Variants in PRKCH observed in about 807,000 individuals in gnomAD.
PRKCH encodes the protein protein kinase C eta type.
Under a neutral mutation model 82.5 loss-of-function variants are expected in PRKCH, and 28 were observed. The ratio of observed to expected loss-of-function variants is 0.34; its 90% CI spans 0.25 to 0.47. PRKCH has a LOEUF of 0.47. Ranked by LOEUF, PRKCH falls within the 20% of genes least tolerant of loss-of-function variation. The pLI is 1.00. For synonymous variants in PRKCH, 322 were observed against 327.4 expected, an observed-to-expected ratio of 0.98 and a Z score of 0.18; for missense variants, 705 against 881.8, an observed-to-expected ratio of 0.80 and a Z score of 2.54.
chr14:61,233,659 C>T (rs1231076045), intron 1 of PRKCH, among the ~76,000 whole-genome samples: 1 of 152,140 alleles, frequency 6.6e-6, no homozygotes, highest in African/African-American at 2.4e-5. Context: ...TGGTTACCCT[C>T]ATGCTGTTCT....
At chr14:61,409,266 TCTA>T (rs1029187276) in intron 2 of PRKCH, among the ~76,000 whole-genome samples, 15 of 152,142 alleles carry the variant, frequency 9.9e-5, no homozygotes, top group Admixed American at 6.5e-4. Flanking sequence ...GATCAGGAGT[TCTA>T]CTCTCCAGGA....
intron 1 of PRKCH, among the ~76,000 whole-genome samples, chr14:61,339,265 G>T (rs2045898343): frequency 6.6e-6 from 1 of 151,596 alleles, no homozygotes; most frequent in African/African-American, 2.4e-5. Flanking sequence ...CCTGGGCCAG[G>T]CCTTCCCTTC....
chr14:61,201,213 A>C (rs990046158), intron 1 of PRKCH, among the ~76,000 whole-genome samples: 1 of 152,194 alleles, frequency 6.6e-6, no homozygotes, highest in Non-Finnish European at 1.5e-5. Flanking sequence ...ACATTTTACT[A>C]TGTGTCAGGT....
intron 1 of PRKCH, among the ~76,000 whole-genome samples, chr14:61,323,164 T>G (rs2045652534): frequency 6.6e-6 from 1 of 151,930 alleles, no homozygotes; most frequent in African/African-American, 2.4e-5. Flanking sequence ...CCTCAGGAGG[T>G]TGTTAACTGT....
rs112005911 is a variant in PRKCH at position 61,534,827 on chromosome 14, C to G, written c.1761+4232C>G. Among the ~76,000 whole-genome samples, 1,325 of 152,168 alleles carry G rather than the reference C, an allele frequency of 8.7e-3. 24 individuals carry two copies. Among genetic ancestry groups the G allele is most frequent in the African/African-American group, 0.03 (1,240 of 41,508 alleles). On this transcript the variant is annotated intron_variant, in intron 12 of 13. Transcript: ENST00000332981. Reference sequence around the variant, plus strand: ...GTCTATAAAGGTGTGATAATAACACCTATAGTGCCCGCTTCAAATAAGGCA... The same window carrying G: ...GTCTATAAAGGTGTGATAATAACACGTATAGTGCCCGCTTCAAATAAGGCA...
intron 11 of PRKCH, 74 bp downstream of exon 11, chr14:61,529,287 C>T (rs2043013244): frequency 1.3e-6 from 2 of 1,506,256 alleles, no homozygotes; most frequent in Non-Finnish European, 1.8e-6. Flanking sequence ...CCACTGGCTG[C>T]TTTTATGCAC....
intron 1 of PRKCH, among the ~76,000 whole-genome samples, chr14:61,232,263 T>C (rs1006946329): frequency 1.3e-5 from 2 of 152,258 alleles, no homozygotes; most frequent in Non-Finnish European, 1.5e-5. Context: ...TCTTGCCCTG[T>C]TGCCCAGGCT....
intron 1 of PRKCH, among the ~76,000 whole-genome samples, chr14:61,240,740 A>T (rs183046364): frequency 4.3e-4 from 65 of 151,890 alleles, no homozygotes; most frequent in African/African-American, 1.6e-3. Context: ...AATCATATTT[A>T]TCACCCTCCA....
intron 2 of PRKCH, among the ~76,000 whole-genome samples, chr14:61,409,557 C>A (rs1047341471): frequency 6.6e-6 from 1 of 151,528 alleles, no homozygotes; most frequent in African/African-American, 2.4e-5. Flanking sequence ...AAAAAAAATC[C>A]AGGCATGGTG....
intron 1 of PRKCH, among the ~76,000 whole-genome samples, chr14:61,235,930 C>T (rs2044784165): frequency 6.6e-6 from 1 of 152,194 alleles, no homozygotes; most frequent in African/African-American, 2.4e-5. Flanking sequence ...TGGACCCTTC[C>T]TCTCAGCTAA....
intron 2 of PRKCH, among the ~76,000 whole-genome samples, chr14:61,406,559 A>G (rs1229345016): frequency 6.6e-6 from 1 of 152,232 alleles, no homozygotes; most frequent in African/African-American, 2.4e-5. Context: ...AATGGGAGCC[A>G]CAGTTTTTTC....
chr14:61,274,398 C>T (rs555654335), intron 1 of PRKCH, among the ~76,000 whole-genome samples: 2 of 152,240 alleles, frequency 1.3e-5, no homozygotes, highest in South Asian at 4.1e-4. Context: ...AGTGATTTTG[C>T]ATTGAGGGGT....
chr14:61,294,926 G>C (rs2045393959), intron 1 of PRKCH, among the ~76,000 whole-genome samples: 1 of 152,122 alleles, frequency 6.6e-6, no homozygotes, highest in Non-Finnish European at 1.5e-5. Flanking sequence ...AGGCTGGAGT[G>C]CAGTGGTGCG....
chr14:61,465,464 C>T (rs1161818342), intron 9 of PRKCH, among the ~76,000 whole-genome samples: 1 of 151,984 alleles, frequency 6.6e-6, no homozygotes, highest in Admixed American at 6.5e-5. Context: ...TTTTCAACAC[C>T]ATTTATTGAA....
intron 1 of PRKCH, among the ~76,000 whole-genome samples, chr14:61,231,746 A>G (rs1217669599): frequency 2.0e-5 from 3 of 152,058 alleles, no homozygotes; most frequent in Admixed American, 1.3e-4. Context: ...AACTAATCTG[A>G]TGAAATGTAG....
intron 2 of PRKCH, among the ~76,000 whole-genome samples, chr14:61,438,908 T>TG (rs1344675444): frequency 6.6e-6 from 1 of 152,222 alleles, no homozygotes; most frequent in Non-Finnish European, 1.5e-5. Context: ...ACCCTGTGGA[T>TG]GGGGTGGCTT....
At chr14:61,462,666 TGCC>T (rs1885078486) in intron 9 of PRKCH, among the ~76,000 whole-genome samples, 2 of 152,250 alleles carry the variant, frequency 1.3e-5, no homozygotes, top group Non-Finnish European at 2.9e-5. Flanking sequence ...ACTTTTTAGC[TGCC>T]CAGTGTTGCA....
intron 9 of PRKCH, among the ~76,000 whole-genome samples, chr14:61,481,264 T>A (rs749331526): frequency 1.3e-5 from 2 of 152,164 alleles, no homozygotes; most frequent in Non-Finnish European, 1.5e-5. Flanking sequence ...CAAGAAGATC[T>A]CTGCAAGCTG....
chr14:61,217,802 G>A (rs998228713), intron 1 of PRKCH, among the ~76,000 whole-genome samples: 5 of 152,134 alleles, frequency 3.3e-5, no homozygotes, highest in East Asian at 1.9e-4. Flanking sequence ...GATGTCAGCC[G>A]GGATATTTGA....
Sources: gnomAD v4.1 joint callset for allele counts (sites outside exome capture counted in the v4.1 genomes callset) on GRCh38, gnomAD v4.1.1 for gene constraint, MANE v1.5 for transcripts, NCBI Gene and HGNC (gene_info 2026-07-23, HGNC 2026-07-21) for gene names.